CMIP: variants seen among roughly 807,000 people sequenced by gnomAD.
The protein encoded by CMIP is C-Maf-inducing protein.
In CMIP, 13 loss-of-function variants were observed where a neutral mutation model predicts 97.3. That is an observed-to-expected ratio of 0.13 (90% CI 0.09 to 0.21). CMIP has a LOEUF of 0.21. Among genes scored for constraint, CMIP ranks in the 10% least tolerant of loss-of-function variants. CMIP has a pLI of 1.00. For synonymous variants in CMIP, 538 were observed against 436.3 expected, an observed-to-expected ratio of 1.23 and a Z score of -2.91; for missense variants, 847 against 1,024.9, an observed-to-expected ratio of 0.83 and a Z score of 2.37.
intron 10 of CMIP, among the ~76,000 whole-genome samples, chr16:81,681,223 A>G (rs941226036): frequency 6.6e-6 from 1 of 152,226 alleles, no homozygotes; most frequent in Non-Finnish European, 1.5e-5. Flanking sequence ...TTTGGGCCTG[A>G]TAACTGTATT....
intron 4 of CMIP, among the ~76,000 whole-genome samples, chr16:81,654,279 C>G (rs2092460273): frequency 6.7e-6 from 1 of 149,400 alleles, no homozygotes; most frequent in African/African-American, 2.6e-5. Flanking sequence ...ACTGTGTTGC[C>G]CAGGTTGGTC....
chr16:81,557,153 C>T (rs898518365), intron 1 of CMIP, among the ~76,000 whole-genome samples: 1 of 152,204 alleles, frequency 6.6e-6, no homozygotes, highest in Non-Finnish European at 1.5e-5. Flanking sequence ...ACTGTCTTTT[C>T]AGCTTTTCGG....
chr16:81,670,387 G>A, intron 8 of CMIP, 142 bp downstream of exon 8: 1 of 838,678 alleles, frequency 1.2e-6, no homozygotes, highest in Non-Finnish European at 1.8e-6. Context: ...ACTGCACGGT[G>A]CCCGATAGGA....
intron 3 of CMIP, among the ~76,000 whole-genome samples, chr16:81,633,906 C>T (rs1186702308): frequency 6.6e-6 from 1 of 152,244 alleles, no homozygotes; most frequent in Non-Finnish European, 1.5e-5. Context: ...GACCATTCAT[C>T]ATGTCTGTTG....
chr16:81,642,292 C>G (rs944869790), intron 3 of CMIP, among the ~76,000 whole-genome samples: 6 of 152,194 alleles, frequency 3.9e-5, no homozygotes, highest in Non-Finnish European at 1.5e-5. Context: ...TTTGTCTCAT[C>G]TCTGTATCAT....
At chr16:81,528,162 T>C (rs892502925) in intron 1 of CMIP, among the ~76,000 whole-genome samples, 4 of 152,226 alleles carry the variant, frequency 2.6e-5, no homozygotes, top group African/African-American at 9.6e-5. Flanking sequence ...AGTCTGAAAT[T>C]TTTCATAATA....
intron 10 of CMIP, among the ~76,000 whole-genome samples, chr16:81,685,618 C>T (rs1231069638): frequency 6.6e-6 from 1 of 151,980 alleles, no homozygotes; most frequent in Admixed American, 6.6e-5. Flanking sequence ...AGTTACAGGT[C>T]ACTGCAGCCT....
At chr16:81,676,576 T>C (rs1904314916) in intron 9 of CMIP, among the ~76,000 whole-genome samples, 1 of 151,794 alleles carries the variant, frequency 6.6e-6, no homozygotes, top group African/African-American at 2.4e-5. Flanking sequence ...AATTTAGGTC[T>C]CCCCCCATCA....
At chr16:81,568,673 C>G (rs2287113) in intron 1 of CMIP, among the ~76,000 whole-genome samples, 1 of 152,114 alleles carries the variant, frequency 6.6e-6, no homozygotes, top group Non-Finnish European at 1.5e-5. Flanking sequence ...AACAGATCAG[C>G]AAGAGCCTCA....
intron 1 of CMIP, among the ~76,000 whole-genome samples, chr16:81,567,852 C>G (rs778597188): frequency 6.6e-6 from 1 of 152,096 alleles, no homozygotes; most frequent in African/African-American, 2.4e-5. Flanking sequence ...GCCCTGGGCA[C>G]GTAGTAGGTG....
intron 7 of CMIP, among the ~76,000 whole-genome samples, chr16:81,667,802 G>GAC (rs1567647143): frequency 1.7e-4 from 16 of 93,662 alleles, no homozygotes; most frequent in African/African-American, 7.6e-4. Context: ...GAGAGAGAGT[G>GAC]TGTGTGTGTG....
chr16:81,475,163 CCTGTCTCTTTCTCTCT>C (rs1013471231), intron 1 of CMIP, among the ~76,000 whole-genome samples: 11 of 152,176 alleles, frequency 7.2e-5, no homozygotes, highest in African/African-American at 1.4e-4. Flanking sequence ...CTCCCTCCCT[CCTGTCTCTTTCTCTCT>C]CTGTCTCTTT....
chr16:81,708,530 C>T (rs544875675), intron 20 of CMIP, among the ~76,000 whole-genome samples: 2 of 152,316 alleles, frequency 1.3e-5, no homozygotes, highest in Admixed American at 1.3e-4. Context: ...TTTATTTTCA[C>T]ACATTTGAGA....
At chr16:81,486,939 T>A (rs948080111) in intron 1 of CMIP, among the ~76,000 whole-genome samples, 1 of 152,180 alleles carries the variant, frequency 6.6e-6, no homozygotes, top group African/African-American at 2.4e-5. Flanking sequence ...CCTCCTGGGG[T>A]TCAAAGGCGC....
At chr16:81,533,686 C>G (rs575342420) in intron 1 of CMIP, among the ~76,000 whole-genome samples, 1 of 152,220 alleles carries the variant, frequency 6.6e-6, no homozygotes, top group South Asian at 2.1e-4. Context: ...ACCGTGTTGC[C>G]CAGGCTGGTC....
chr16:81,485,499 A>G (rs894249231), intron 1 of CMIP, among the ~76,000 whole-genome samples: 29 of 152,202 alleles, frequency 1.9e-4, no homozygotes, highest in African/African-American at 7.0e-4. Context: ...GACACTCCCC[A>G]GGTGATTCTA....
intron 1 of CMIP, among the ~76,000 whole-genome samples, chr16:81,588,590 A>C (rs942661987): frequency 2.0e-5 from 3 of 152,160 alleles, no homozygotes; most frequent in African/African-American, 7.2e-5. Flanking sequence ...CCATGGCTTC[A>C]GTAATTGCCA....
At chr16:81,551,268 C>T (rs1041066835) in intron 1 of CMIP, among the ~76,000 whole-genome samples, 1 of 152,216 alleles carries the variant, frequency 6.6e-6, no homozygotes, top group African/African-American at 2.4e-5. Flanking sequence ...CCATCACACA[C>T]ACCCAGAGGG....
intron 1 of CMIP, among the ~76,000 whole-genome samples, chr16:81,475,065 C>G (rs1567533921): frequency 6.6e-6 from 1 of 152,204 alleles, no homozygotes; most frequent in Non-Finnish European, 1.5e-5. Context: ...CTGCTGTGGT[C>G]AGCATGGCTG....
Sources: allele counts gnomAD v4.1 joint callset (sites outside exome capture counted in the v4.1 genomes callset), GRCh38; gene constraint gnomAD v4.1.1; transcripts MANE v1.5; gene names NCBI Gene and HGNC (gene_info 2026-07-23, HGNC 2026-07-21).